GON4L: variants seen among roughly 807,000 people sequenced by gnomAD.
GON4L encodes the protein GON-4-like protein.
GON4L carries 87 observed loss-of-function variants against 211.8 expected under a neutral mutation model. The ratio of observed to expected loss-of-function variants is 0.41; its 90% CI spans 0.35 to 0.49. The LOEUF (loss-of-function observed/expected upper bound fraction) is 0.49, where lower values mean the gene tolerates loss of function less well. Ranked by LOEUF, GON4L falls within the 20% of genes least tolerant of loss-of-function variation. The pLI, the probability that GON4L is intolerant of heterozygous loss-of-function variation, is 0.15. For missense variants in GON4L, 2,155 were observed against 2,659.5 expected, an observed-to-expected ratio of 0.81 and a Z score of 4.17; for synonymous variants, 875 against 962.6, an observed-to-expected ratio of 0.91 and a Z score of 1.68.
rs759555953 is a variant in GON4L at position 155,820,666 on chromosome 1, A to C, written c.964-10T>G. The C allele has an allele frequency of 3.8e-5, 60 of 1,594,018 alleles. No homozygotes were observed. Among genetic ancestry groups the C allele is most frequent in the Non-Finnish European group, 4.9e-5 (57 of 1,162,018 alleles). On this transcript the variant is annotated splice_polypyrimidine_tract_variant and intron_variant, in intron 5 of 31. Transcript: ENST00000368331. The stretch of plus-strand genomic sequence containing the variant: ...GTGTCATTTTAGGCTCCTAAGGAGA[A>C]AAAAACAGAAAGGAAATCCTCAATA...
chr1:155,748,404 T>C (rs1008994723), downstream of GON4L: 128 of 1,610,208 alleles, frequency 7.9e-5, 1 homozygote, highest in East Asian at 2.0e-4. Flanking sequence ...TTACAGGCCA[T>C]TCTGCCCTTC....
At chr1:155,845,417 G>T (rs749906661) in intron 2 of GON4L, 2 of 338,580 alleles carry the variant, frequency 5.9e-6, no homozygotes, top group Non-Finnish European at 1.2e-5. Flanking sequence ...CCACCCCCAG[G>T]TACTGCTCAA....
intron 20 of GON4L, among the ~76,000 whole-genome samples, chr1:155,766,925 A>C (rs1662557844): frequency 6.6e-6 from 1 of 152,172 alleles, no homozygotes; most frequent in African/African-American, 2.4e-5. Context: ...ATGTGCCTGT[A>C]ATCCCAGCTA....
chr1:155,762,329 G>C lies in GON4L; in HGVS notation c.4772C>G (p.Ala1591Gly). 1.2e-6 allele frequency: 2 copies of C among 1,613,652 alleles called. No homozygotes were observed. Among genetic ancestry groups the C allele is most frequent in the Non-Finnish European group, 1.7e-6 (2 of 1,179,628 alleles). Reference sequence around the variant, plus strand: ...AGCCCGACTTCCCCGCTTGTTGCGAGCTCGATGATTGTTCCGGCCTTTTCC... The same window carrying C: ...AGCCCGACTTCCCCGCTTGTTGCGACCTCGATGATTGTTCCGGCCTTTTCC... ...AAGKGRNNHR[A>G]RNKRGSRARA... The change falls in exon 23 of 32, where the codon GCT becomes GGT. Residue 1591 changes from alanine to glycine, a missense_variant. Around this residue, in one of 6 missense-constraint regions of GON4L, gnomAD observed 455 missense variants for 504.6 expected, o/e 0.90. Transcript: ENST00000368331.
At chr1:155,764,765 G>A in intron 21 of GON4L, 6 of 1,204,444 alleles carry the variant, frequency 5.0e-6, no homozygotes, top group Non-Finnish European at 7.2e-6. Flanking sequence ...GGCATTTAAA[G>A]TATGGTCAGG....
intron 17 of GON4L, among the ~76,000 whole-genome samples, chr1:155,774,598 C>T (rs553320060): frequency 5.3e-5 from 8 of 152,190 alleles, no homozygotes; most frequent in South Asian, 4.1e-4. Flanking sequence ...TGAGCCACCG[C>T]GCCTGGCCTT....
At chr1:155,803,846 C>T (rs1170794229) in intron 11 of GON4L, among the ~76,000 whole-genome samples, 1 of 152,078 alleles carries the variant, frequency 6.6e-6, no homozygotes, top group African/African-American at 2.4e-5. Context: ...ATGAACAGAG[C>T]TCTAACCTTG....
At position 155,752,465 on chromosome 1, in the gene GON4L, C is replaced by G. The variant is rs1426995728; in HGVS notation, c.5968G>C (p.Val1990Leu). The G allele has an allele frequency of 1.3e-6, 2 of 1,568,598 alleles. No individual in the cohort carries two copies. Among genetic ancestry groups the G allele is most frequent in the Admixed American group, 1.9e-5 (1 of 52,048 alleles). The change falls in exon 30 of 32, where the codon GTA becomes CTA. Residue 1990 changes from valine (V) to leucine (L), a missense_variant. This residue lies in a region of GON4L where 186 missense variants were observed against 308.1 expected (regional missense o/e 0.60). Coordinates refer to ENST00000368331, the MANE Select transcript of GON4L (RefSeq NM_001282860.2). ...TGGTTTCTCTTAACAGTGTACAGTACAGCTCCAGTTGTGGGGGGAAATTGA... is the reference window on the plus strand; with the variant it reads ...TGGTTTCTCTTAACAGTGTACAGTAGAGCTCCAGTTGTGGGGGGAAATTGA... The part of the protein sequence containing the change: ...TPQFPPTTGA[V>L]LYTVKRNQVG...
intron 2 of GON4L, among the ~76,000 whole-genome samples, chr1:155,843,960 A>G (rs190379543): frequency 8.1e-4 from 124 of 152,324 alleles, no homozygotes; most frequent in Non-Finnish European, 1.6e-3. Flanking sequence ...TCTTCTAGGA[A>G]TAGCTTTCCA....
intron 6 of GON4L, among the ~76,000 whole-genome samples, chr1:155,818,782 A>C (rs545337318): frequency 4.0e-5 from 6 of 151,264 alleles, no homozygotes; most frequent in Admixed American, 4.0e-4. Context: ...GCGGGCGATC[A>C]CATGGGTCAA....
At chr1:155,817,807 C>T (rs757255044) in intron 6 of GON4L, among the ~76,000 whole-genome samples, 2 of 151,712 alleles carry the variant, frequency 1.3e-5, no homozygotes, top group Non-Finnish European at 2.9e-5. Context: ...GCCTATAGGC[C>T]TAGCTGTCTG....
intron 2 of GON4L, among the ~76,000 whole-genome samples, chr1:155,835,747 A>G (rs1021034525): frequency 7.9e-5 from 12 of 152,196 alleles, no homozygotes; most frequent in Non-Finnish European, 1.5e-4. Flanking sequence ...CTTACAGAGC[A>G]GCCATTTCCC....
chr1:155,759,728 G>T (rs1279247762), intron 24 of GON4L, among the ~76,000 whole-genome samples: 1 of 151,440 alleles, frequency 6.6e-6, no homozygotes, highest in African/African-American at 2.4e-5. Context: ...TCCTCCCTTT[G>T]TTCCTATTTT....
intron 2 of GON4L, among the ~76,000 whole-genome samples, chr1:155,834,695 C>G (rs1161824019): frequency 6.6e-6 from 1 of 152,166 alleles, no homozygotes; most frequent in East Asian, 1.9e-4. Context: ...AACCTCCTAC[C>G]AGCACCATGA....
At chr1:155,824,240 T>G (rs1668975180) in intron 3 of GON4L, among the ~76,000 whole-genome samples, 2 of 150,258 alleles carry the variant, frequency 1.3e-5, no homozygotes, top group Non-Finnish European at 1.5e-5. Context: ...CTGACCAACA[T>G]GGTGAAACCC....
chr1:155,766,295 C>A lies in GON4L; in HGVS notation c.3178G>T (p.Val1060Phe). The A allele has an allele frequency of 6.2e-7, 1 of 1,614,088 alleles. No homozygotes were observed. Among genetic ancestry groups the A allele is most frequent in the African/African-American group, 1.3e-5 (1 of 75,000 alleles). Residue 1060 changes from valine (V) to phenylalanine (F), a missense_variant, in exon 21 of 32, where the codon GTC (valine) becomes TTC (phenylalanine). Coordinates refer to ENST00000368331, the MANE Select transcript of GON4L (RefSeq NM_001282860.2). ...GACTCAAAACTCTCACCTCCACTGACCCCCAGTGGAGGGACACCTGGAACT... is the reference window on the plus strand; with the variant it reads ...GACTCAAAACTCTCACCTCCACTGAACCCCAGTGGAGGGACACCTGGAACT... ...QTVPGVPPLGVSGGESFESPA... is the reference protein window; with the variant it reads ...QTVPGVPPLGFSGGESFESPA...
chr1:155,814,435 A>T lies in GON4L; in HGVS notation c.1176T>A (p.Ser392Arg). The T allele has an allele frequency of 6.2e-7, 1 of 1,613,780 alleles. No homozygotes were observed. The highest frequency in any genetic ancestry group is 8.5e-7 in the Non-Finnish European group (1 of 1,179,744). Residue 392 changes from serine to arginine, a missense_variant, in exon 9 of 32, where the codon AGT (serine) becomes AGA (arginine). Coordinates refer to ENST00000368331, the MANE Select transcript of GON4L (RefSeq NM_001282860.2). ...GAGATGAAGCAGTGCTTTCAACATC[A>T]CTTTCCAATAAGCTCTACAAAATAA... ...DETAEESLLE[S>R]DVESTASSPR...
chr1:155,778,495 C>T (rs1664062251), intron 14 of GON4L, among the ~76,000 whole-genome samples: 1 of 152,174 alleles, frequency 6.6e-6, no homozygotes, highest in Admixed American at 6.6e-5. Context: ...TCATGATCCA[C>T]CCATCTCGGC....
chr1:155,813,449 C>A lies in GON4L; in HGVS notation c.1452+185G>T, dbSNP rs546535515. Reference sequence around the variant, plus strand: ...CCTGTCTCAAAAACAAACAAACAAACAAAAAAAACCCCAAACTGCCATTGT... The same window carrying A: ...CCTGTCTCAAAAACAAACAAACAAAAAAAAAAAACCCCAAACTGCCATTGT... On this transcript the variant is annotated intron_variant, in intron 10 of 31. Transcript: ENST00000368331. 3.4e-3 allele frequency among the ~76,000 whole-genome samples: 519 copies of A among 151,396 alleles called. 3 individuals are homozygous for A. Among genetic ancestry groups the A allele is most frequent in the African/African-American group, 0.012 (489 of 41,254 alleles).
Sources: gnomAD v4.1 joint callset for allele counts (sites outside exome capture counted in the v4.1 genomes callset) on GRCh38, gnomAD v4.1.1 for gene constraint, gnomAD v4.1.1 regional missense constraint, MANE v1.5 for transcripts, NCBI Gene and HGNC (gene_info 2026-07-23, HGNC 2026-07-21) for gene names.